Variants in PAWR observed in about 807,000 individuals in gnomAD.
The protein encoded by PAWR is pro-apoptotic WT1 regulator.
In PAWR, 23 loss-of-function variants were observed where a neutral mutation model predicts 32.0. That is an observed-to-expected ratio of 0.72 (90% CI 0.52 to 1.02). PAWR has a LOEUF of 1.02. Ranked by LOEUF, PAWR falls within the 50% of genes least tolerant of loss-of-function variation. The pLI is 0.00. For synonymous variants in PAWR, 226 were observed against 187.1 expected, an observed-to-expected ratio of 1.21 and a Z score of -1.70; for missense variants, 457 against 437.7, an observed-to-expected ratio of 1.04 and a Z score of -0.39.
intron 3 of PAWR, 28 bp downstream of exon 3, chr12:79,621,048 T>A (rs754441133): frequency 1.3e-6 from 2 of 1,554,168 alleles, no homozygotes; most frequent in Admixed American, 3.8e-5. Context: ...AAATAGATAG[T>A]GACTTCCTGG....
chr12:79,652,943 A>G (rs757994029), intron 2 of PAWR, among the ~76,000 whole-genome samples: 4 of 152,252 alleles, frequency 2.6e-5, no homozygotes, highest in Non-Finnish European at 5.9e-5. Context: ...TTATCTGCCT[A>G]CAACAACAAA....
chr12:79,620,890 G>A (rs931307644), intron 3 of PAWR, among the ~76,000 whole-genome samples, 186 bp downstream of exon 3: 3 of 152,166 alleles, frequency 2.0e-5, no homozygotes. Flanking sequence ...CCGGAAAAGG[G>A]TGAAGAGAGT....
chr12:79,649,982 C>A (rs935546661), intron 2 of PAWR, among the ~76,000 whole-genome samples: 1 of 152,132 alleles, frequency 6.6e-6, no homozygotes, highest in South Asian at 2.1e-4. Context: ...AGATCCCTCA[C>A]ATGCACAGTT....
Position 79,662,648 on chromosome 12 carries a change from A to G in PAWR, c.516+27081T>C, listed in dbSNP as rs116182796. Among the ~76,000 whole-genome samples, 739 of 152,336 alleles carry G rather than the reference A, an allele frequency of 4.9e-3. 7 individuals are homozygous for G. The highest frequency in any genetic ancestry group is 0.017 in the African/African-American group (702 of 41,568). Reference sequence around the variant, plus strand: ...TATCACTCATACATAAAGACAAAAAAGCAGAAGCCCAGCTCTTTATGGATT... The same window carrying G: ...TATCACTCATACATAAAGACAAAAAGGCAGAAGCCCAGCTCTTTATGGATT... On this transcript the variant is annotated intron_variant, in intron 2 of 6. Coordinates refer to ENST00000328827, the MANE Select transcript of PAWR (RefSeq NM_002583.4).
intron 4 of PAWR, among the ~76,000 whole-genome samples, chr12:79,609,562 C>A (rs905040085): frequency 1.3e-5 from 2 of 152,048 alleles, no homozygotes; most frequent in African/African-American, 4.8e-5. Flanking sequence ...GGCTCTGCCA[C>A]CACAGAGAGG....
At chr12:79,636,691 A>T (rs1241865680) in intron 2 of PAWR, among the ~76,000 whole-genome samples, 1 of 152,172 alleles carries the variant, frequency 6.6e-6, no homozygotes, top group East Asian at 1.9e-4. Flanking sequence ...AAGTCTTACA[A>T]ATGAATGCAA....
At chr12:79,622,405 C>A (rs1376988997) in intron 2 of PAWR, among the ~76,000 whole-genome samples, 1 of 151,952 alleles carries the variant, frequency 6.6e-6, no homozygotes, top group Non-Finnish European at 1.5e-5. Flanking sequence ...TGTGCTGCAC[C>A]CGTTAACTCG....
intron 3 of PAWR, 140 bp from the exon 4 acceptor site, chr12:79,613,749 G>A (rs1285851761): frequency 4.6e-6 from 2 of 436,834 alleles, no homozygotes; most frequent in Non-Finnish European, 8.2e-6. Context: ...TCACACTGCT[G>A]GTCAAACAAA....
At chr12:79,638,000 C>G (rs957561081) in intron 2 of PAWR, among the ~76,000 whole-genome samples, 1 of 152,010 alleles carries the variant, frequency 6.6e-6, no homozygotes, top group African/African-American at 2.4e-5. Flanking sequence ...CTTATGAATA[C>G]AACGTGATTT....
intron 2 of PAWR, among the ~76,000 whole-genome samples, chr12:79,643,308 A>G (rs1034438318): frequency 2.0e-5 from 3 of 152,162 alleles, no homozygotes; most frequent in African/African-American, 7.2e-5. Context: ...CCTGCAGATT[A>G]TATGAACCAA....
chr12:79,679,110 T>C (rs1032886883), intron 2 of PAWR, among the ~76,000 whole-genome samples: 2 of 152,272 alleles, frequency 1.3e-5, no homozygotes, highest in South Asian at 4.1e-4. Context: ...CTTTTCTCCA[T>C]CATAGTTGTT....
chr12:79,651,400 T>A (rs1338000462), intron 2 of PAWR, among the ~76,000 whole-genome samples: 4 of 152,162 alleles, frequency 2.6e-5, no homozygotes. Context: ...TTAGGGTGCA[T>A]AATTTGCATT....
intron 2 of PAWR, among the ~76,000 whole-genome samples, chr12:79,644,696 A>G (rs1468706784): frequency 6.6e-6 from 1 of 152,154 alleles, no homozygotes; most frequent in Non-Finnish European, 1.5e-5. Context: ...AAGTAAAACT[A>G]AAAATCCAAG....
At position 79,632,346 on chromosome 12, in the gene PAWR, TATATA is replaced by T. The variant is rs1875729509; in HGVS notation, c.517-11144_517-11140del. On this transcript the variant is annotated intron_variant, in intron 2 of 6. Transcript: ENST00000328827. ...ATATATATATATATATATATATATA[TATATA>T]TATATATATATTTTTTTTTTTTTTT... 6.0e-5 allele frequency among the ~76,000 whole-genome samples: 4 copies of T among 66,798 alleles called. 1 individual carries two copies. The highest frequency in any genetic ancestry group is 5.1e-4 in the African/African-American group (3 of 5,928). 43.8% of individuals were successfully genotyped at this position (66,798 alleles called of 152,430 possible).
intron 2 of PAWR, among the ~76,000 whole-genome samples, chr12:79,653,939 T>C (rs1181311196): frequency 6.6e-6 from 1 of 152,238 alleles, no homozygotes; most frequent in Non-Finnish European, 1.5e-5. Flanking sequence ...CAAACTGATT[T>C]ATAGCATCCT....
At chr12:79,656,776 A>G (rs999240206) in intron 2 of PAWR, among the ~76,000 whole-genome samples, 29 of 152,326 alleles carry the variant, frequency 1.9e-4, no homozygotes, top group Non-Finnish European at 3.1e-4. Context: ...AATATACAAA[A>G]TAATAGTTTT....
At position 79,676,218 on chromosome 12, in the gene PAWR, A is replaced by C. The variant is rs1169998311; in HGVS notation, c.516+13511T>G. On this transcript the variant is annotated intron_variant, in intron 2 of 6. Coordinates refer to ENST00000328827, the MANE Select transcript of PAWR (RefSeq NM_002583.4). The stretch of plus-strand genomic sequence containing the variant: ...ATACATGTAAAGGACTTAGAATAGT[A>C]CCAGGCTCAAAAAGCACTTAAGTGT... Among the ~76,000 whole-genome samples, 11 of 152,316 alleles carry C rather than the reference A, an allele frequency of 7.2e-5. No individual in the cohort carries two copies. In the East Asian group the frequency reaches 2.1e-3, roughly 29 times the overall value.
intron 2 of PAWR, among the ~76,000 whole-genome samples, chr12:79,649,274 T>C (rs916877163): frequency 1.3e-5 from 2 of 152,176 alleles, no homozygotes; most frequent in African/African-American, 2.4e-5. Flanking sequence ...TTAATTGAAA[T>C]AGTCAACAGG....
intron 2 of PAWR, among the ~76,000 whole-genome samples, chr12:79,626,461 A>G (rs759019609): frequency 8.6e-5 from 13 of 151,180 alleles, no homozygotes; most frequent in Non-Finnish European, 1.5e-4. Context: ...AGGGTTCACC[A>G]TGTTAGCCAG....
Sources: allele counts gnomAD v4.1 joint callset (sites outside exome capture counted in the v4.1 genomes callset), GRCh38; gene constraint gnomAD v4.1.1; transcripts MANE v1.5; gene names NCBI Gene and HGNC (gene_info 2026-07-23, HGNC 2026-07-21).